EDARADD: variants seen among roughly 807,000 people sequenced by gnomAD.
EDARADD encodes the protein ectodysplasin-A receptor-associated adapter protein.
EDARADD carries 20 observed loss-of-function variants against 25.6 expected under a neutral mutation model. The ratio of observed to expected loss-of-function variants is 0.78; its 90% CI spans 0.55 to 1.14. The LOEUF (loss-of-function observed/expected upper bound fraction) is 1.14, where lower values mean the gene tolerates loss of function less well. Ranked by LOEUF, EDARADD falls within the 50% of genes most tolerant of loss-of-function variation. EDARADD has a pLI of 0.00. For missense variants in EDARADD, 225 were observed against 270.1 expected, an observed-to-expected ratio of 0.83 and a Z score of 1.17; for synonymous variants, 86 against 94.4, an observed-to-expected ratio of 0.91 and a Z score of 0.52.
intron 4 of EDARADD, among the ~76,000 whole-genome samples, chr1:236,467,428 A>ACACACACG (rs1553270568): frequency 7.5e-6 from 1 of 132,984 alleles, no homozygotes; most frequent in African/African-American, 3.0e-5. Context: ...ACACACGCGC[A>ACACACACG]CACACACACA....
chr1:236,393,418 CAG>C (rs1261227903), upstream of EDARADD, among the ~76,000 whole-genome samples: 2 of 33,388 alleles, frequency 6.0e-5, no homozygotes, highest in African/African-American at 1.3e-4. Context: ...TTTTTTGAGA[CAG>C]AGTCTCACTC....
Position 236,395,953 on chromosome 1 carries a change from G to C in EDARADD, c.61+1448G>C, listed in dbSNP as rs2103000857. Among the ~76,000 whole-genome samples, 1 of 152,316 alleles carries C rather than the reference G, an allele frequency of 6.6e-6. No individual in the cohort carries two copies. The highest frequency in any genetic ancestry group is 1.9e-4 in the East Asian group (1 of 5,174). ...CGCAGCCCCCGTGGCTTTTGTTCTG[G>C]ACTCGGGATGCCAGGTTGAGACACG... On this transcript the variant is annotated intron_variant, in intron 1 of 5. Transcript: ENST00000334232. The surrounding 1 kb of genome is among the most constrained non-coding windows in gnomAD (Gnocchi z 6.9).
chr1:236,389,753 A>T (rs6676536), upstream of EDARADD, among the ~76,000 whole-genome samples: 10 of 152,060 alleles, frequency 6.6e-5, no homozygotes, highest in Non-Finnish European at 1.2e-4. Flanking sequence ...ATGTAATCCC[A>T]GTACTTTAGA....
chr1:236,404,853 G>T (rs1203619895), intron 1 of EDARADD, among the ~76,000 whole-genome samples: 1 of 151,958 alleles, frequency 6.6e-6, no homozygotes, highest in Non-Finnish European at 1.5e-5. Context: ...AGCACTTTGG[G>T]AGGCTGAGGT....
chr1:236,370,683 T>G (rs1381164694), intron 3 of EDARADD, among the ~76,000 whole-genome samples: 1 of 152,108 alleles, frequency 6.6e-6, no homozygotes, highest in Admixed American at 6.6e-5. Context: ...GATGAGCCAG[T>G]TTATTGATCA....
At chr1:236,476,984 C>T (rs1309902385) in intron 5 of EDARADD, among the ~76,000 whole-genome samples, 3 of 150,388 alleles carry the variant, frequency 2.0e-5, no homozygotes, top group Non-Finnish European at 4.4e-5. Context: ...AGAGCAAGAC[C>T]CTGTCTCAAA....
chr1:236,349,850 G>C (rs775334230), intron 2 of EDARADD, among the ~76,000 whole-genome samples: 1 of 152,186 alleles, frequency 6.6e-6, no homozygotes, highest in Non-Finnish European at 1.5e-5. Flanking sequence ...GGTGGCTCAC[G>C]CCTGTATTCC....
intron 3 of EDARADD, among the ~76,000 whole-genome samples, chr1:236,374,950 C>A (rs1012944681): frequency 7.7e-6 from 1 of 129,638 alleles, no homozygotes; most frequent in Non-Finnish European, 1.7e-5. Context: ...GTTTTCTATT[C>A]ATTGCCTTTA....
At chr1:236,452,830 C>A (rs1050060396) in intron 4 of EDARADD, among the ~76,000 whole-genome samples, 1 of 152,140 alleles carries the variant, frequency 6.6e-6, no homozygotes, top group South Asian at 2.1e-4. Context: ...ATCAAAACTC[C>A]TATGACACTA....
chr1:236,468,909 A>G (rs946822804), intron 5 of EDARADD, among the ~76,000 whole-genome samples: 2 of 152,108 alleles, frequency 1.3e-5, no homozygotes, highest in African/African-American at 4.8e-5. Context: ...GGTGGAGAAC[A>G]TGCTGTTTGT....
intron 5 of EDARADD, among the ~76,000 whole-genome samples, chr1:236,468,506 A>G (rs1429158687): frequency 1.3e-5 from 2 of 152,114 alleles, no homozygotes; most frequent in African/African-American, 4.8e-5. Context: ...CTGTAATCCC[A>G]GCTACTCGGA....
At chr1:236,405,832 T>TC (rs1180474944) in intron 1 of EDARADD, among the ~76,000 whole-genome samples, 32 of 31,290 alleles carry the variant, frequency 1.0e-3, no homozygotes, top group East Asian at 2.3e-3. Context: ...TTTCCTTCCT[T>TC]CCTTCCTTCC....
intron 4 of EDARADD, among the ~76,000 whole-genome samples, chr1:236,463,864 ATCATCAAGGTCCATCCCTTGC>A (rs1448876051): frequency 6.6e-6 from 1 of 152,022 alleles, no homozygotes; most frequent in Non-Finnish European, 1.5e-5. Flanking sequence ...GTGTCTTTTC[ATCATCAAGGTCCATCCCTTGC>A]TCCTTGAATA....
chr1:236,388,109 AAT>A (rs201458176), intron 3 of EDARADD, among the ~76,000 whole-genome samples: 2,090 of 142,326 alleles, frequency 0.015, 38 homozygotes, highest in African/African-American at 0.048. Flanking sequence ...GTGAGACAGA[AAT>A]ATAAATTGCA....
At chr1:236,389,699 T>C (rs1338674270), upstream of EDARADD, among the ~76,000 whole-genome samples, 3 of 152,156 alleles carry the variant, frequency 2.0e-5, no homozygotes, top group Admixed American at 6.5e-5. Flanking sequence ...TGTATAATAA[T>C]GAATGCTTAA....
At position 236,377,991 on chromosome 1, in the gene EDARADD, T is replaced by C. The variant is rs141605576; in HGVS notation, c.-6+27152T>C. Among the ~76,000 whole-genome samples, 1,436 of 152,278 alleles carry C rather than the reference T, an allele frequency of 9.4e-3. 30 individuals are homozygous for C. Among genetic ancestry groups the C allele is most frequent in the African/African-American group, 0.033 (1,351 of 41,552 alleles). ...TGATATTCATAGGTCTTCAGCAATG[T>C]GCTGTTAAGGTGTCGGGGGAGAGAA... On this transcript the variant is annotated intron_variant, in intron 3 of 7. Transcript: ENST00000439430.
At chr1:236,407,271 G>A (rs1372618743) in intron 1 of EDARADD, among the ~76,000 whole-genome samples, 1 of 152,168 alleles carries the variant, frequency 6.6e-6, no homozygotes, top group African/African-American at 2.4e-5. Flanking sequence ...CGGGGGTTAG[G>A]CTGCTCTGTG....
chr1:236,441,269 T>A (rs1302087491), intron 4 of EDARADD, among the ~76,000 whole-genome samples: 1 of 144,780 alleles, frequency 6.9e-6, no homozygotes, highest in Non-Finnish European at 1.5e-5. Flanking sequence ...CCCTCTTTAT[T>A]TATATATATA....
At chr1:236,356,134 G>A (rs996027395) in intron 3 of EDARADD, among the ~76,000 whole-genome samples, 10 of 152,118 alleles carry the variant, frequency 6.6e-5, no homozygotes, top group Non-Finnish European at 1.5e-4. Context: ...AGGGCAGAGA[G>A]GAAAAACTTA....
Sources: allele counts gnomAD v4.1 joint callset (sites outside exome capture counted in the v4.1 genomes callset), GRCh38; gene constraint gnomAD v4.1.1; non-coding constraint Gnocchi (gnomAD v3.1); transcripts MANE v1.5; gene names NCBI Gene and HGNC (gene_info 2026-07-23, HGNC 2026-07-21).